PLCE1: variants seen among roughly 807,000 people sequenced by gnomAD.
The protein encoded by PLCE1 is phospholipase C epsilon 1, also known as 1-phosphatidylinositol 4,5-bisphosphate phosphodiesterase epsilon-1.
PLCE1 carries 119 observed loss-of-function variants against 242.8 expected under a neutral mutation model. The observed-to-expected ratio is 0.49, with a 90% CI of 0.42 to 0.57. The LOEUF is 0.57. Among genes scored for constraint, PLCE1 ranks in the 20% least tolerant of loss-of-function variants. The pLI is 0.00. For synonymous variants in PLCE1, 945 were observed against 1,017.4 expected (o/e 0.93, Z 1.35); for missense variants, 2,441 against 2,788.8 (o/e 0.88, Z 2.81).
rs535968721 is a variant in PLCE1 at position 94,002,289 on chromosome 10, T to A, written c.-365+8031T>A. 3.7e-4 allele frequency among the ~76,000 whole-genome samples: 56 copies of A among 152,340 alleles called. 1 individual carries two copies. Among genetic ancestry groups the A allele is most frequent in the African/African-American group, 1.3e-3 (53 of 41,576 alleles). On this transcript the variant is annotated intron_variant, in intron 1 of 32. Transcript: ENST00000371380. ...TCTCCCATGACACTCTTGGATAGGC[T>A]TTTGACTGCCTTTTGCTGGCTGAGA...
chr10:94,084,842 C>T (rs2135280550), intron 2 of PLCE1, among the ~76,000 whole-genome samples: 1 of 152,302 alleles, frequency 6.6e-6, no homozygotes, highest in South Asian at 2.1e-4. Flanking sequence ...CGGCTTCCTT[C>T]AAACAAGTCA....
At chr10:94,310,437 A>G (rs1169861058) in intron 27 of PLCE1, among the ~76,000 whole-genome samples, 1 of 152,146 alleles carries the variant, frequency 6.6e-6, no homozygotes, top group East Asian at 1.9e-4. Context: ...CCCCGCACCA[A>G]TTAAACCAGA....
At chr10:94,110,325 G>A (rs981217219) in intron 2 of PLCE1, among the ~76,000 whole-genome samples, 11 of 152,078 alleles carry the variant, frequency 7.2e-5, no homozygotes, top group African/African-American at 2.7e-4. Context: ...GCCTCCCAAA[G>A]TGCTGGGATT....
In PLCE1 at chr10:94,226,962, C is replaced by A. The variant is rs138907077; in HGVS notation, c.1810-344C>A. 5.7e-4 allele frequency among the ~76,000 whole-genome samples: 86 copies of A among 150,224 alleles called. No individual in the cohort carries two copies. The East Asian group carries it at 8.0e-3, about 14-fold the overall frequency. ...CTCGCTGCAACCTTCAACCTTGAAG[C>A]TGAGGCAGGGTTCAAGCGATTCTCC... On this transcript the variant is annotated intron_variant, in intron 4 of 32. Coordinates refer to ENST00000371380, the MANE Select transcript of PLCE1 (RefSeq NM_016341.4).
At chr10:94,041,012 A>G (rs561346556) in intron 2 of PLCE1, among the ~76,000 whole-genome samples, 1 of 152,274 alleles carries the variant, frequency 6.6e-6, no homozygotes, top group South Asian at 2.1e-4. Flanking sequence ...TGCAGAAACT[A>G]AAATATTTGT....
At chr10:94,132,574 TA>T in intron 3 of PLCE1, 115 bp downstream of exon 3, 1 of 995,864 alleles carries the variant, frequency 1.0e-6, no homozygotes, top group Non-Finnish European at 1.6e-6. Context: ...CAACTTTAAG[TA>T]AAAGTCGCTT....
At chr10:94,171,051 T>C in intron 3 of PLCE1, 129 bp from the exon 4 acceptor site, 1 of 801,916 alleles carries the variant, frequency 1.2e-6, no homozygotes, top group Non-Finnish European at 2.1e-6. Flanking sequence ...AGAAAAATAG[T>C]ACAGAACTCT....
At chr10:94,131,346 A>G (rs1253376131) in intron 2 of PLCE1, among the ~76,000 whole-genome samples, 2 of 152,210 alleles carry the variant, frequency 1.3e-5, no homozygotes, top group South Asian at 2.1e-4. Flanking sequence ...CTGCAGCAGC[A>G]CAAGAGGTGT....
At chr10:94,271,362 T>G (rs1589450597) in intron 18 of PLCE1, among the ~76,000 whole-genome samples, 2 of 138,686 alleles carry the variant, frequency 1.4e-5, no homozygotes, top group East Asian at 4.6e-4. Context: ...TCACCCAGGC[T>G]GGAGTGCAGT....
At chr10:94,132,996 A>C (rs534217125) in intron 3 of PLCE1, among the ~76,000 whole-genome samples, 1 of 151,974 alleles carries the variant, frequency 6.6e-6, no homozygotes, top group African/African-American at 2.4e-5. Context: ...TTTCAAATGA[A>C]GTAAATGGTT....
At chr10:94,056,657 A>G (rs1337293034) in intron 2 of PLCE1, among the ~76,000 whole-genome samples, 6 of 152,204 alleles carry the variant, frequency 3.9e-5, no homozygotes, top group African/African-American at 1.4e-4. Flanking sequence ...CTCACATAAT[A>G]TAAAATTCAC....
intron 2 of PLCE1, among the ~76,000 whole-genome samples, chr10:94,071,558 G>A (rs2044361512): frequency 7.5e-6 from 1 of 132,754 alleles, no homozygotes; most frequent in South Asian, 2.5e-4. Context: ...GTGCAGTGGT[G>A]CAATCATAGT....
rs1187130556 is a variant in PLCE1 at position 94,245,940 on chromosome 10, C to T, written c.2421-6C>T. 4 of 1,612,998 alleles carry T rather than the reference C, an allele frequency of 2.5e-6. No homozygotes were observed. The African/African-American group carries it at 4.0e-5, about 16-fold the overall frequency. The stretch of plus-strand genomic sequence containing the variant: ...GACAAACCAAATTGGTGTTTCTTTC[C>T]TTAAGGTTTATAATTGGAGATTTGT... On this transcript the variant is annotated splice_polypyrimidine_tract_variant and splice_region_variant and intron_variant, in intron 7 of 32. Transcript: ENST00000371380.
intron 6 of PLCE1, among the ~76,000 whole-genome samples, chr10:94,234,752 G>A (rs1244359713): frequency 1.3e-5 from 2 of 152,100 alleles, no homozygotes; most frequent in Non-Finnish European, 2.9e-5. Flanking sequence ...GCCTGGAGAC[G>A]CATGTAGAGA....
At chr10:94,311,950 G>C (rs934158750) in intron 27 of PLCE1, among the ~76,000 whole-genome samples, 1 of 152,092 alleles carries the variant, frequency 6.6e-6, no homozygotes, top group Non-Finnish European at 1.5e-5. Context: ...AGAGCTCATG[G>C]GTCATTTAGA....
chr10:94,227,047 T>C, intron 4 of PLCE1: 1 of 388,092 alleles, frequency 2.6e-6, no homozygotes, highest in South Asian at 2.2e-5. Flanking sequence ...CAGCTAATTT[T>C]TGTATTTTTA....
chr10:94,164,106 T>C (rs1008055875), intron 3 of PLCE1, among the ~76,000 whole-genome samples: 1 of 152,192 alleles, frequency 6.6e-6, no homozygotes, highest in Non-Finnish European at 1.5e-5. Context: ...ATTTCAACTT[T>C]GGTGAATCTG....
At chr10:94,062,615 T>TTTTTTTTTGTGTG (rs2044090791) in intron 2 of PLCE1, among the ~76,000 whole-genome samples, 1 of 151,460 alleles carries the variant, frequency 6.6e-6, no homozygotes. Flanking sequence ...TTTTTTTTTT[T>TTTTTTTTTGTGTG]AGATCTCAGA....
chr10:94,252,797 G>T (rs2050926631), intron 9 of PLCE1, among the ~76,000 whole-genome samples: 1 of 152,184 alleles, frequency 6.6e-6, no homozygotes, highest in Non-Finnish European at 1.5e-5. Flanking sequence ...ATAGAGAGCT[G>T]AGGGGCAGGC....
Sources: gnomAD v4.1 joint callset for allele counts (sites outside exome capture counted in the v4.1 genomes callset) on GRCh38, gnomAD v4.1.1 for gene constraint, MANE v1.5 for transcripts, NCBI Gene and HGNC (gene_info 2026-07-23, HGNC 2026-07-21) for gene names.